STON1: variants seen among roughly 807,000 people sequenced by gnomAD.
STON1 encodes stonin-1.
Under a neutral mutation model 60.9 loss-of-function variants are expected in STON1, and 79 were observed. The observed-to-expected ratio is 1.30, with a 90% CI of 1.08 to 1.56. The LOEUF (loss-of-function observed/expected upper bound fraction) is 1.56. Among genes scored for constraint, STON1 ranks in the 40% most tolerant of loss-of-function variants. The probability of loss-of-function intolerance (pLI) is 0.00; values close to 1 mark genes in which losing one functional copy is unlikely to be tolerated. For synonymous variants in STON1, 363 were observed against 306.9 expected (o/e 1.18, Z -1.91); for missense variants, 1,166 against 858.9 (o/e 1.36, Z -4.47).
intron 1 of STON1, among the ~76,000 whole-genome samples, chr2:48,539,073 A>G (rs968075376): frequency 1.3e-5 from 2 of 151,970 alleles, no homozygotes; most frequent in African/African-American, 2.4e-5. Flanking sequence ...GCGCACCACT[A>G]TGCCCAGCAA....
At chr2:48,537,852 AAAAAAAAAAAG>A (rs1400338294) in intron 1 of STON1, among the ~76,000 whole-genome samples, 1 of 151,372 alleles carries the variant, frequency 6.6e-6, no homozygotes, top group Non-Finnish European at 1.5e-5. Flanking sequence ...TTCATCTCAA[AAAAAAAAAAAG>A]AAAAAAAAAG....
intron 1 of STON1, among the ~76,000 whole-genome samples, chr2:48,533,598 G>A (rs932274608): frequency 6.8e-6 from 1 of 146,102 alleles, no homozygotes; most frequent in African/African-American, 2.5e-5. Flanking sequence ...GCTGAAGCAG[G>A]TTGCAGGGAG....
At chr2:48,592,647 G>A (rs971180961) in intron 3 of STON1, among the ~76,000 whole-genome samples, 6 of 146,560 alleles carry the variant, frequency 4.1e-5, no homozygotes, top group African/African-American at 1.5e-4. Context: ...TTTTAGTAGA[G>A]ATGGGGTTTT....
intron 1 of STON1, among the ~76,000 whole-genome samples, chr2:48,579,378 GGCT>G (rs1275133568): frequency 6.6e-6 from 1 of 151,800 alleles, no homozygotes; most frequent in Non-Finnish European, 1.5e-5. Context: ...GCGCATTTGT[GGCT>G]ATAAAGTTCC....
chr2:48,577,310 C>T (rs956771804), intron 1 of STON1, among the ~76,000 whole-genome samples: 2 of 151,958 alleles, frequency 1.3e-5, no homozygotes, highest in African/African-American at 4.8e-5. Context: ...TCACCGGGCG[C>T]GGTGGCTCAT....
intron 1 of STON1, among the ~76,000 whole-genome samples, chr2:48,567,341 A>T (rs1249536664): frequency 6.6e-6 from 1 of 152,216 alleles, no homozygotes; most frequent in African/African-American, 2.4e-5. Context: ...TTTTCTGATG[A>T]TTCCTTTTTG....
chr2:48,568,999 C>T (rs991213261), intron 1 of STON1: 4 of 152,338 alleles, frequency 2.6e-5, no homozygotes, highest in African/African-American at 9.6e-5. Flanking sequence ...GGCATTGGAT[C>T]TCTCTGGACC....
Position 48,582,303 on chromosome 2 carries a change from C to G in STON1, c.1670C>G (p.Ser557Cys). Residue 557 changes from serine to cysteine, a missense_variant, in exon 2 of 4, where the codon TCC (serine) becomes TGC (cysteine). Coordinates refer to ENST00000404752, the MANE Select transcript of STON1 (RefSeq NM_006873.4). ...VNMASLAQRS[S>C]YAGSLRSCDN... ...ATGGCCTCATTGGCGCAGAGGTCAT[C>G]CTATGCTGGTTCCTTAAGGTCCTGT... is the stretch of plus-strand genomic sequence containing the variant. 6.2e-7 allele frequency: 1 copy of G among 1,614,198 alleles called. No individual in the cohort carries two copies. The highest frequency in any genetic ancestry group is 8.5e-7 in the Non-Finnish European group (1 of 1,180,038).
chr2:48,594,197 C>T (rs1457446240), intron 3 of STON1, among the ~76,000 whole-genome samples: 2 of 152,174 alleles, frequency 1.3e-5, no homozygotes, highest in Non-Finnish European at 2.9e-5. Flanking sequence ...ATCTCCATCT[C>T]AGAGTTTATT....
intron 1 of STON1, among the ~76,000 whole-genome samples, chr2:48,568,506 G>A (rs1673044502): frequency 6.6e-6 from 1 of 152,134 alleles, no homozygotes; most frequent in Non-Finnish European, 1.5e-5. Context: ...AGGGGATGAT[G>A]GTGTGGGAGG....
chr2:48,591,929 G>C, intron 3 of STON1, 74 bp downstream of exon 3: 1 of 1,536,894 alleles, frequency 6.5e-7, no homozygotes, highest in East Asian at 2.4e-5. Context: ...TTGTGATCGT[G>C]TATGTGTTGT....
intron 2 of STON1, among the ~76,000 whole-genome samples, chr2:48,590,467 T>C (rs964551077): frequency 2.6e-5 from 4 of 152,204 alleles, no homozygotes; most frequent in African/African-American, 9.7e-5. Context: ...GCTATGTCAG[T>C]GGTACAGTAA....
At chr2:48,565,587 G>A (rs1672908013) in intron 1 of STON1, among the ~76,000 whole-genome samples, 1 of 152,176 alleles carries the variant, frequency 6.6e-6, no homozygotes. Context: ...GCAGAATACA[G>A]GCATGGTCAT....
Position 48,591,872 on chromosome 2 carries a change from C to A in STON1, c.2133+17C>A, listed in dbSNP as rs776860644. On this transcript the variant is annotated intron_variant, in intron 3 of 3. Transcript: ENST00000404752. ...AACATCCAGGTACATCCCAAAACTTCTAGAACTGTGACCTGATTTGGCTTT... is the reference window on the plus strand; with the variant it reads ...AACATCCAGGTACATCCCAAAACTTATAGAACTGTGACCTGATTTGGCTTT... The A allele has an allele frequency of 9.3e-6, 15 of 1,611,940 alleles. No individual in the cohort carries two copies. In the African/African-American group the frequency reaches 1.9e-4, roughly 20 times the overall value.
At chr2:48,553,774 T>C (rs1244160973) in intron 1 of STON1, among the ~76,000 whole-genome samples, 3 of 151,930 alleles carry the variant, frequency 2.0e-5, no homozygotes, top group Non-Finnish European at 4.4e-5. Flanking sequence ...AGGCGTGAGA[T>C]ACCATGACTG....
chr2:48,592,814 T>A (rs1674598485), intron 3 of STON1, among the ~76,000 whole-genome samples: 1 of 151,736 alleles, frequency 6.6e-6, no homozygotes, highest in South Asian at 2.1e-4. Context: ...GGGATCTCAC[T>A]ATGTTGGTCA....
intron 1 of STON1, among the ~76,000 whole-genome samples, chr2:48,574,709 A>T (rs1261558738): frequency 1.3e-5 from 2 of 152,186 alleles, no homozygotes; most frequent in Non-Finnish European, 2.9e-5. Flanking sequence ...ATATTTTTGG[A>T]CTGTCAATGG....
At chr2:48,580,192 C>T (rs2882084) in intron 1 of STON1, among the ~76,000 whole-genome samples, 1 of 151,864 alleles carries the variant, frequency 6.6e-6, no homozygotes, top group African/African-American at 2.4e-5. Flanking sequence ...ACAGTTGTGA[C>T]CCACCATTCC....
chr2:48,552,154 A>G (rs1672131430), intron 1 of STON1, among the ~76,000 whole-genome samples: 1 of 152,278 alleles, frequency 6.6e-6, no homozygotes, highest in East Asian at 1.9e-4. Context: ...GCAATGGAAT[A>G]TTATTCAGCC....
Sources: gnomAD v4.1 joint callset for allele counts (sites outside exome capture counted in the v4.1 genomes callset) on GRCh38, gnomAD v4.1.1 for gene constraint, MANE v1.5 for transcripts, NCBI Gene and HGNC (gene_info 2026-07-23, HGNC 2026-07-21) for gene names.